The following NXNL2 variants were observed in gnomAD, a reference collection of about 807,000 sequenced individuals.
NXNL2 encodes nucleoredoxin-like protein 2.
NXNL2 carries 7 observed loss-of-function variants against 11.1 expected under a neutral mutation model. The observed-to-expected ratio is 0.63, with a 90% CI of 0.36 to 1.18. The LOEUF is 1.18. Among genes scored for constraint, NXNL2 ranks in the 50% most tolerant of loss-of-function variants. The pLI is 0.02. For synonymous variants in NXNL2, 109 were observed against 101.8 expected (o/e 1.07, Z -0.42); for missense variants, 233 against 217.7 (o/e 1.07, Z -0.44).
intron 1 of NXNL2, among the ~76,000 whole-genome samples, chr9:88,543,273 T>TA (rs1564067695): frequency 7.1e-6 from 1 of 140,286 alleles, no homozygotes; most frequent in Non-Finnish European, 1.5e-5. Flanking sequence ...ATTTTAACTT[T>TA]TTTTTTTTTT....
chr9:88,564,319 ATCTATCG>A (rs1468982853), intron 1 of NXNL2, among the ~76,000 whole-genome samples: 4 of 147,306 alleles, frequency 2.7e-5, no homozygotes, highest in Admixed American at 2.0e-4. Flanking sequence ...CTATCTATCT[ATCTATCG>A]TCTATTTATA....
intron 1 of NXNL2, among the ~76,000 whole-genome samples, chr9:88,568,485 G>A (rs1830210799): frequency 6.6e-6 from 1 of 152,160 alleles, no homozygotes; most frequent in Admixed American, 6.5e-5. Context: ...GGGGACACTG[G>A]GCCCCCCAGG....
downstream of NXNL2, among the ~76,000 whole-genome samples, chr9:88,545,989 A>G (rs1427351270): frequency 6.6e-6 from 1 of 151,598 alleles, no homozygotes; most frequent in Non-Finnish European, 1.5e-5. Context: ...CTGGTCTCGA[A>G]CTCCTTACCT....
chr9:88,545,942 T>C (rs1324643080), downstream of NXNL2, among the ~76,000 whole-genome samples: 2 of 152,012 alleles, frequency 1.3e-5, no homozygotes, highest in African/African-American at 4.8e-5. Context: ...AATTTTTGTA[T>C]TTTTAGTAGA....
downstream of NXNL2, among the ~76,000 whole-genome samples, chr9:88,579,739 G>T (rs1830388656): frequency 6.6e-6 from 1 of 152,148 alleles, no homozygotes. Context: ...AAAACCCGGG[G>T]TGAGAGAAGG....
chr9:88,567,319 A>G (rs2118520007), intron 1 of NXNL2, among the ~76,000 whole-genome samples: 1 of 152,142 alleles, frequency 6.6e-6, no homozygotes, highest in Middle Eastern at 3.4e-3. Flanking sequence ...TTGTATTTTT[A>G]GTACAGACAG....
chr9:88,563,685 G>A (rs1387625131), intron 1 of NXNL2, among the ~76,000 whole-genome samples: 2 of 152,088 alleles, frequency 1.3e-5, no homozygotes, highest in South Asian at 4.2e-4. Context: ...CCACCCTGCT[G>A]CTCCCCTATT....
chr9:88,557,048 T>TCCATCCTA (rs1342163221), intron 1 of NXNL2, among the ~76,000 whole-genome samples: 3 of 138,406 alleles, frequency 2.2e-5, no homozygotes, highest in African/African-American at 8.4e-5. Flanking sequence ...GCCACTGCAT[T>TCCATCCTA]CCATCCTAGG....
intron 1 of NXNL2, 101 bp downstream of exon 1, chr9:88,535,837 C>CT: frequency 1.1e-6 from 1 of 875,720 alleles, no homozygotes; most frequent in South Asian, 1.8e-5. Context: ...TGACGCCCCC[C>CT]CCCAACACCT....
rs1830313520 is a variant in NXNL2, at chr9:88,574,107, C to T, written c.*17-980C>T. ...ATGTTTTCATATGGTCTAGCAATTC[C>T]ACTCATATATATATACACCCAAGAG... On this transcript the variant is annotated intron_variant, in intron 2 of 2. Coordinates refer to the NXNL2 transcript ENST00000375855. Among the ~76,000 whole-genome samples the T allele has an allele frequency of 2.0e-5, 3 of 152,072 alleles. No homozygotes were observed. In the South Asian group the frequency reaches 6.2e-4, roughly 32 times the overall value.
chr9:88,556,262 G>A (rs1407288317), intron 1 of NXNL2, among the ~76,000 whole-genome samples: 1 of 152,178 alleles, frequency 6.6e-6, no homozygotes, highest in Non-Finnish European at 1.5e-5. Flanking sequence ...ACATGGGGAG[G>A]CCACCTGGCA....
intron 1 of NXNL2, among the ~76,000 whole-genome samples, chr9:88,558,442 A>G (rs1830046180): frequency 6.6e-6 from 1 of 152,108 alleles, no homozygotes; most frequent in Non-Finnish European, 1.5e-5. Context: ...CCTTTTTCAT[A>G]TATTTTATAA....
At chr9:88,547,782 C>T (rs117947138), downstream of NXNL2, among the ~76,000 whole-genome samples, 94 of 152,176 alleles carry the variant, frequency 6.2e-4, 1 homozygote, top group East Asian at 0.016. Context: ...TTCCGGAGGC[C>T]GAGGTGGGTG....
downstream of NXNL2, among the ~76,000 whole-genome samples, chr9:88,549,901 T>C (rs7858852): frequency 0.33 from 49,935 of 152,010 alleles, 14,751 homozygotes; most frequent in East Asian, 0.8. Flanking sequence ...GTGCTATCAC[T>C]GCAACCTCCG....
rs138575631 is a variant in NXNL2 at position 88,536,953 on chromosome 9, T to C, written c.302+1217T>C. 2.9e-4 allele frequency among the ~76,000 whole-genome samples: 44 copies of C among 152,328 alleles called. 1 individual carries two copies. Among genetic ancestry groups the C allele is most frequent in the African/African-American group, 1.0e-3 (42 of 41,578 alleles). On this transcript the variant is annotated intron_variant, in intron 1 of 1. Transcript: ENST00000375854. ...TCAAGTGGTGCTTTTAAAAACAGGA[T>C]TGGACTTGTTTAGTACTCAAGTTAT... is the stretch of plus-strand genomic sequence containing the variant.
chr9:88,570,750 T>C (rs1464341961), intron 1 of NXNL2, among the ~76,000 whole-genome samples: 1 of 152,182 alleles, frequency 6.6e-6, no homozygotes, highest in Admixed American at 6.5e-5. Context: ...TTTTGTTTTG[T>C]TTTGTTTTTT....
At chr9:88,569,951 T>G (rs1176790849) in intron 1 of NXNL2, among the ~76,000 whole-genome samples, 1 of 152,194 alleles carries the variant, frequency 6.6e-6, no homozygotes, top group Non-Finnish European at 1.5e-5. Flanking sequence ...AGCAATGTGC[T>G]GTCTTTTCTG....
chr9:88,562,221 G>C (rs1204037083), intron 1 of NXNL2, among the ~76,000 whole-genome samples: 2 of 152,116 alleles, frequency 1.3e-5, no homozygotes, highest in African/African-American at 2.4e-5. Flanking sequence ...AAATACAAAA[G>C]CAGAGAAAAT....
downstream of NXNL2, among the ~76,000 whole-genome samples, chr9:88,579,737 G>T (rs1423114869): frequency 1.3e-5 from 2 of 152,126 alleles, no homozygotes; most frequent in Admixed American, 1.3e-4. Context: ...TGAAAACCCG[G>T]GGTGAGAGAA....
Sources: allele counts gnomAD v4.1 joint callset (sites outside exome capture counted in the v4.1 genomes callset), GRCh38; gene constraint gnomAD v4.1.1; transcripts MANE v1.5; gene names NCBI Gene and HGNC (gene_info 2026-07-23, HGNC 2026-07-21).